RMDN1: variants seen among roughly 807,000 people sequenced by gnomAD.
RMDN1 encodes the protein regulator of microtubule dynamics 1, also known as regulator of microtubule dynamics protein 1.
Under a neutral mutation model 48.9 loss-of-function variants are expected in RMDN1, and 48 were observed. The observed-to-expected ratio is 0.98, with a 90% CI of 0.78 to 1.25. The LOEUF (loss-of-function observed/expected upper bound fraction) is 1.25, where lower values mean the gene tolerates loss of function less well. RMDN1 is among the 50% of genes most tolerant of loss of function. The pLI is 0.00. For missense variants in RMDN1, 418 were observed against 373.4 expected, an observed-to-expected ratio of 1.12 and a Z score of -0.98; for synonymous variants, 148 against 132.6, an observed-to-expected ratio of 1.12 and a Z score of -0.80.
At chr8:86,503,391 A>ACAAC (rs1818724390) in intron 2 of RMDN1, among the ~76,000 whole-genome samples, 1 of 45,016 alleles carries the variant, frequency 2.2e-5, no homozygotes. Context: ...AAAAAAAAAC[A>ACAAC]AAAAAAAATA....
At position 86,488,628 on chromosome 8, in the gene RMDN1, G is replaced by T; in HGVS notation, c.259C>A (p.Leu87Ile). Residue 87 changes from leucine (L) to isoleucine (I), a missense_variant, in exon 3 of 10, where the codon CTT becomes ATT. By Grantham distance (5) the Leu-to-Ile change is conservative. Coordinates refer to ENST00000406452, the MANE Select transcript of RMDN1 (RefSeq NM_016033.3). ...TCATACAGGTAGTCTGCTTGTTCAA[G>T]TATTTCTTCAACTTCAAAGATTATA... Reference protein sequence around the residue: ...VHATAKVEEILEQADYLYESG... With the variant: ...VHATAKVEEIIEQADYLYESG... 1 of 1,606,476 alleles carries T rather than the reference G, an allele frequency of 6.2e-7. No homozygotes were observed. Among genetic ancestry groups the T allele is most frequent in the Non-Finnish European group, 8.5e-7 (1 of 1,176,220 alleles).
rs572594546 is a variant in RMDN1, at chr8:86,500,746, A to C, written c.247+6249T>G. 2.7e-3 allele frequency among the ~76,000 whole-genome samples: 413 copies of C among 152,324 alleles called. 1 individual carries two copies. Among genetic ancestry groups the C allele is most frequent in the Non-Finnish European group, 4.6e-3 (311 of 68,028 alleles). Reference sequence around the variant, plus strand: ...TACCAAAGTGACACACACGTCCTTAAGTTCATCACTGCACTGTTCACATTA... The same window carrying C: ...TACCAAAGTGACACACACGTCCTTACGTTCATCACTGCACTGTTCACATTA... On this transcript the variant is annotated intron_variant, in intron 2 of 9. Transcript: ENST00000406452.
chr8:86,505,370 T>C (rs773361464), intron 2 of RMDN1: 11 of 457,300 alleles, frequency 2.4e-5, no homozygotes, highest in Middle Eastern at 6.5e-4. Flanking sequence ...TGGGTTCTAA[T>C]ATTGCCGCAC....
chr8:86,475,248 G>C (rs1813172728), intron 8 of RMDN1, among the ~76,000 whole-genome samples: 1 of 152,150 alleles, frequency 6.6e-6, no homozygotes. Context: ...GCTCCCGATA[G>C]AATGTATGCT....
chr8:86,481,108 T>A (rs1451323235), intron 5 of RMDN1, among the ~76,000 whole-genome samples: 1 of 152,186 alleles, frequency 6.6e-6, no homozygotes, highest in East Asian at 1.9e-4. Flanking sequence ...TAGTTTATGC[T>A]TTTCTATAAA....
intron 2 of RMDN1, chr8:86,503,642 C>T: frequency 2.0e-6 from 1 of 496,696 alleles, no homozygotes; most frequent in Non-Finnish European, 4.1e-6. Flanking sequence ...TGGCTCTTTC[C>T]AAGTTGGCTA....
intron 2 of RMDN1, among the ~76,000 whole-genome samples, chr8:86,490,193 T>A (rs926429608): frequency 6.6e-6 from 1 of 152,192 alleles, no homozygotes; most frequent in Non-Finnish European, 1.5e-5. Context: ...ATTCTTTAGT[T>A]GATATTTATG....
At chr8:86,509,175 A>G (rs960365955), upstream of RMDN1, among the ~76,000 whole-genome samples, 3 of 152,076 alleles carry the variant, frequency 2.0e-5, no homozygotes, top group Non-Finnish European at 2.9e-5. Flanking sequence ...TTCAAGAGAG[A>G]GTCCAGAGCA....
chr8:86,491,752 T>C (rs1816540470), intron 2 of RMDN1, among the ~76,000 whole-genome samples: 1 of 152,182 alleles, frequency 6.6e-6, no homozygotes, highest in South Asian at 2.1e-4. Context: ...ATAATTAGAA[T>C]TTTTTAAAGA....
chr8:86,509,999 A>G (rs1819961495), upstream of RMDN1, among the ~76,000 whole-genome samples: 1 of 152,180 alleles, frequency 6.6e-6, no homozygotes, highest in African/African-American at 2.4e-5. Context: ...TAAGTTTCTG[A>G]TATCTCTGCT....
chr8:86,476,144 T>C (rs1053026128), intron 8 of RMDN1, among the ~76,000 whole-genome samples: 1 of 152,146 alleles, frequency 6.6e-6, no homozygotes. Context: ...TCCATGAGGG[T>C]AGGACCATGT....
Position 86,507,063 on chromosome 8 carries a change from A to G in RMDN1, c.179T>C (p.Leu60Ser). The change falls in exon 2 of 10, where the codon TTG becomes TCG. Residue 60 changes from leucine to serine, a missense_variant. By Grantham distance (145) the Leu-to-Ser change is moderately radical. Coordinates refer to ENST00000406452, the MANE Select transcript of RMDN1 (RefSeq NM_016033.3). The part of the protein sequence containing the change: ...TFKRGLLLSA[L>S]SYLGFETYQV... ...GTAAGTTTCAAAACCCAAATACGACAAAGCTGAGAGTAAAAGGCCTCTTTT... is the reference window on the plus strand; with the variant it reads ...GTAAGTTTCAAAACCCAAATACGACGAAGCTGAGAGTAAAAGGCCTCTTTT... The G allele has an allele frequency of 1.2e-6, 2 of 1,613,498 alleles. No homozygotes were observed. Among genetic ancestry groups the G allele is most frequent in the Non-Finnish European group, 1.7e-6 (2 of 1,179,414 alleles).
In RMDN1 at chr8:86,479,049, AC is replaced by A. The variant is rs1423617983; in HGVS notation, c.642-40del. On this transcript the variant is annotated intron_variant, in intron 6 of 9. Transcript: ENST00000406452. The stretch of plus-strand genomic sequence containing the variant: ...AAACAATTTTATACATTCAAATTGT[AC>A]CTTCTTTTCTCTTAAAGTTAACTAA... 2.8e-6 allele frequency: 4 copies of A among 1,426,136 alleles called. No individual in the cohort carries two copies. In the African/African-American group the frequency reaches 5.6e-5, roughly 20 times the overall value. The allele number at this position is 1,426,136 out of a possible 1,614,324, so 88.3% of individuals were successfully genotyped here.
intron 2 of RMDN1, among the ~76,000 whole-genome samples, chr8:86,501,502 G>A (rs1230825192): frequency 1.3e-5 from 2 of 151,906 alleles, no homozygotes; most frequent in Admixed American, 6.6e-5. Flanking sequence ...GTGAAACCTC[G>A]TCTCTACAAA....
At chr8:86,513,792 T>C (rs1820170508) in intron 1 of RMDN1, among the ~76,000 whole-genome samples, 1 of 152,166 alleles carries the variant, frequency 6.6e-6, no homozygotes, top group African/African-American at 2.4e-5. Flanking sequence ...AATAAGCATA[T>C]AAGCATGGTT....
downstream of RMDN1, chr8:86,472,241 C>A: frequency 1.7e-6 from 1 of 593,610 alleles, no homozygotes; most frequent in South Asian, 2.1e-5. Context: ...TTCCAAAAAT[C>A]TGAAACCTGA....
intron 8 of RMDN1, 159 bp from the exon 9 acceptor site, chr8:86,475,112 A>G (rs1018750572): frequency 2.4e-5 from 13 of 537,910 alleles, no homozygotes; most frequent in Admixed American, 3.8e-5. Flanking sequence ...TCTCAAACAA[A>G]TATTTGTAAA....
intron 4 of RMDN1, 108 bp downstream of exon 4, chr8:86,486,376 A>G (rs1228586915): frequency 1.3e-6 from 1 of 766,546 alleles, no homozygotes; most frequent in Non-Finnish European, 1.8e-6. Context: ...AAAAGAAAAA[A>G]AAACTTAAAA....
chr8:86,503,071 A>G (rs1384111062), intron 2 of RMDN1, among the ~76,000 whole-genome samples: 1 of 152,144 alleles, frequency 6.6e-6, no homozygotes, highest in Non-Finnish European at 1.5e-5. Flanking sequence ...TAACTAAGTT[A>G]GGCCAGGTGC....
Sources: gnomAD v4.1 joint callset for allele counts (sites outside exome capture counted in the v4.1 genomes callset) on GRCh38, gnomAD v4.1.1 for gene constraint, MANE v1.5 for transcripts, NCBI Gene and HGNC (gene_info 2026-07-23, HGNC 2026-07-21) for gene names.